Variants in IL1RAPL2 observed in about 807,000 individuals in gnomAD.
IL1RAPL2 encodes interleukin 1 receptor accessory protein like 2.
IL1RAPL2 carries 3 observed loss-of-function variants against 44.1 expected under a neutral mutation model. The ratio of observed to expected loss-of-function variants is 0.07; its 90% CI spans 0.03 to 0.18. IL1RAPL2 has a LOEUF of 0.18. IL1RAPL2 is among the 10% of genes least tolerant of loss of function. IL1RAPL2 has a pLI of 1.00. For missense variants in IL1RAPL2, 391 were observed against 496.4 expected (o/e 0.79, Z 2.02); for synonymous variants, 181 against 178.8 (o/e 1.01, Z -0.10).
intron 2 of IL1RAPL2, among the ~76,000 whole-genome samples, chrX:104,702,519 AGACT>A (rs1931293776): frequency 1.8e-5 from 2 of 112,594 alleles, no homozygotes; most frequent in Admixed American, 1.9e-4. Context: ...TGATTGCTTC[AGACT>A]GACTGATTAA....
intron 2 of IL1RAPL2, among the ~76,000 whole-genome samples, chrX:104,715,218 T>C (rs932475477): frequency 3.7e-5 from 4 of 109,509 alleles, no homozygotes; most frequent in African/African-American, 1.3e-4. Flanking sequence ...GGAGGGTATA[T>C]GTATATGGGA....
chrX:105,333,124 C>A (rs7883358), intron 5 of IL1RAPL2, among the ~76,000 whole-genome samples: 12,522 of 110,903 alleles, frequency 0.11, 1,722 homozygotes, highest in African/African-American at 0.39. Flanking sequence ...TATACTACAG[C>A]GCTATAGTAA....
At chrX:105,718,105 G>T (rs921944644) in intron 7 of IL1RAPL2, among the ~76,000 whole-genome samples, 3 of 111,648 alleles carry the variant, frequency 2.7e-5, no homozygotes, top group Non-Finnish European at 5.6e-5. Context: ...GTACAAAAAA[G>T]ATATAAAAAT....
chrX:104,827,225 G>A (rs1262440746), intron 2 of IL1RAPL2, among the ~76,000 whole-genome samples: 1 of 110,289 alleles, frequency 9.1e-6, no homozygotes, highest in Non-Finnish European at 1.9e-5. Flanking sequence ...TAGTACTGAT[G>A]GTCTTTACAT....
At position 104,788,133 on chromosome X, in the gene IL1RAPL2, A is replaced by G. The variant is rs1357118667; in HGVS notation, c.82+129138A>G. 1.1e-4 allele frequency among the ~76,000 whole-genome samples: 12 copies of G among 112,174 alleles called. No homozygotes were observed. In the Admixed American group the frequency reaches 1.1e-3, roughly 11 times the overall value. On this transcript the variant is annotated intron_variant, in intron 2 of 10. Coordinates refer to ENST00000372582, the MANE Select transcript of IL1RAPL2 (RefSeq NM_017416.2). ...GATGGAGAAGTGATTAAAGGCTTTC[A>G]CCAATTCAGGGCTATGTAGAAATTT...
intron 2 of IL1RAPL2, among the ~76,000 whole-genome samples, chrX:105,083,576 G>A (rs752827118): frequency 3.1e-4 from 34 of 111,322 alleles, no homozygotes; most frequent in Admixed American, 9.5e-4. Flanking sequence ...GAGAAAGGTT[G>A]GATTACCCAC....
intron 2 of IL1RAPL2, among the ~76,000 whole-genome samples, chrX:104,860,835 G>A (rs1175470944): frequency 4.5e-5 from 5 of 110,962 alleles, no homozygotes; most frequent in Non-Finnish European, 7.6e-5. Context: ...AGGTTAAATT[G>A]GAATCCAGGA....
intron 1 of IL1RAPL2, among the ~76,000 whole-genome samples, chrX:104,582,639 TCTCTC>T: frequency 1.2e-5 from 1 of 83,831 alleles, no homozygotes; most frequent in African/African-American, 6.0e-5. Context: ...TTTCTTTCTT[TCTCTC>T]TTTCTTTCTT....
At chrX:105,730,340 A>G (rs2038395841) in intron 7 of IL1RAPL2, among the ~76,000 whole-genome samples, 1 of 111,394 alleles carries the variant, frequency 9.0e-6, no homozygotes, top group South Asian at 3.7e-4. Flanking sequence ...TTGTGCACCT[A>G]ACACAGGAGC....
At chrX:104,800,416 TA>T (rs1932877533) in intron 2 of IL1RAPL2, among the ~76,000 whole-genome samples, 1 of 111,693 alleles carries the variant, frequency 9.0e-6, no homozygotes, top group Non-Finnish European at 1.9e-5. Context: ...TGCAAACCTC[TA>T]ATCTTCAGGC....
chrX:105,460,905 T>C (rs1369357783), intron 5 of IL1RAPL2, among the ~76,000 whole-genome samples: 1 of 111,593 alleles, frequency 9.0e-6, no homozygotes, highest in Non-Finnish European at 1.9e-5. Context: ...GCCATGTCTG[T>C]GTACACACAA....
At chrX:104,882,543 A>G (rs1009898240) in intron 2 of IL1RAPL2, among the ~76,000 whole-genome samples, 2 of 111,700 alleles carry the variant, frequency 1.8e-5, no homozygotes, top group Non-Finnish European at 3.8e-5. Context: ...AAACACACCA[A>G]TCAGTGCTCT....
intron 2 of IL1RAPL2, among the ~76,000 whole-genome samples, chrX:105,173,353 G>T (rs2033442196): frequency 8.9e-6 from 1 of 112,031 alleles, no homozygotes; most frequent in Admixed American, 9.4e-5. Context: ...GAGCAATGCG[G>T]AAGCCAACAG....
chrX:105,234,580 G>A (rs1275029000), intron 4 of IL1RAPL2, among the ~76,000 whole-genome samples: 12 of 111,038 alleles, frequency 1.1e-4, no homozygotes, highest in Non-Finnish European at 5.7e-5. Flanking sequence ...AGGCTGAGGC[G>A]GGCAGTTCAC....
intron 6 of IL1RAPL2, among the ~76,000 whole-genome samples, chrX:105,574,842 C>T (rs1317462635): frequency 9.0e-6 from 1 of 111,028 alleles, no homozygotes; most frequent in African/African-American, 3.3e-5. Context: ...GAGATTGCAG[C>T]AGTATACATT....
intron 2 of IL1RAPL2, among the ~76,000 whole-genome samples, chrX:104,959,588 T>G (rs1487575330): frequency 9.0e-6 from 1 of 111,663 alleles, no homozygotes; most frequent in Admixed American, 9.5e-5. Flanking sequence ...TATGTGTGCT[T>G]GTTTGACTTA....
chrX:105,034,497 C>A (rs1020275799), intron 2 of IL1RAPL2, among the ~76,000 whole-genome samples: 1 of 112,262 alleles, frequency 8.9e-6, no homozygotes, highest in Non-Finnish European at 1.9e-5. Flanking sequence ...CACTCCAGAC[C>A]CTGTTTGCCT....
intron 2 of IL1RAPL2, among the ~76,000 whole-genome samples, chrX:104,843,590 C>T (rs922674697): frequency 2.7e-5 from 3 of 110,617 alleles, no homozygotes; most frequent in Admixed American, 9.7e-5. Flanking sequence ...ATGGGAAAAG[C>T]GTAGTACTCA....
intron 2 of IL1RAPL2, among the ~76,000 whole-genome samples, chrX:104,872,166 G>A (rs1244558966): frequency 8.9e-6 from 1 of 111,867 alleles, no homozygotes; most frequent in Non-Finnish European, 1.9e-5. Context: ...CCAGATGTTG[G>A]AAATGAAGAA....
Sources: gnomAD v4.1 joint callset for allele counts (sites outside exome capture counted in the v4.1 genomes callset) on GRCh38, gnomAD v4.1.1 for gene constraint, MANE v1.5 for transcripts, NCBI Gene and HGNC (gene_info 2026-07-23, HGNC 2026-07-21) for gene names.